DCLK1: variants seen among roughly 807,000 people sequenced by gnomAD.
DCLK1 encodes doublecortin like kinase 1.
A neutral mutation model predicts 86.2 loss-of-function variants in DCLK1; 16 were observed. That is an observed-to-expected ratio of 0.19 (90% CI 0.13 to 0.28). DCLK1 has a LOEUF of 0.28. Among genes scored for constraint, DCLK1 ranks in the 10% least tolerant of loss-of-function variants. The pLI is 1.00. For synonymous variants in DCLK1, 369 were observed against 370.5 expected (o/e 1.00, Z 0.05); for missense variants, 590 against 940.2 (o/e 0.63, Z 4.87).
At chr13:36,130,831 G>A (rs915298830) in intron 1 of DCLK1, among the ~76,000 whole-genome samples, 1 of 152,210 alleles carries the variant, frequency 6.6e-6, no homozygotes, top group Admixed American at 6.5e-5. Flanking sequence ...GAAAAGCCTG[G>A]GAGGGCCCGC....
chr13:35,798,059 G>A (rs1394675936), intron 15 of DCLK1, among the ~76,000 whole-genome samples: 1 of 152,224 alleles, frequency 6.6e-6, no homozygotes, highest in Non-Finnish European at 1.5e-5. Context: ...TTTGAGGTTA[G>A]TAGTTTTTGA....
intron 4 of DCLK1, among the ~76,000 whole-genome samples, chr13:35,934,731 C>T (rs1381989752): frequency 6.6e-6 from 1 of 152,082 alleles, no homozygotes; most frequent in Non-Finnish European, 1.5e-5. Context: ...GTGTGTGTGT[C>T]TGTGTTTGTG....
Position 35,854,530 on chromosome 13 carries a change from G to A in DCLK1, c.1004C>T (p.Pro335Leu). 2 of 1,604,572 alleles carry A rather than the reference G, an allele frequency of 1.2e-6. No individual in the cohort carries two copies. The highest frequency in any genetic ancestry group is 1.1e-5 in the South Asian group (1 of 89,230). The change falls in exon 6 of 17, where the codon CCC becomes CTC. Residue 335 changes from proline to leucine, a missense_variant. Pro to Leu is a moderately conservative substitution (Grantham distance 98). Coordinates refer to ENST00000360631, the MANE Select transcript of DCLK1 (RefSeq NM_001330071.2). ...PRSGKSPSPS[P>L]TSPGSLRKQR... ...CTTCCGCAGGCTTCCTGGGCTGGTGGGTGATGGGCTTGGCGACTTGCCTGA... is the reference window on the plus strand; with the variant it reads ...CTTCCGCAGGCTTCCTGGGCTGGTGAGTGATGGGCTTGGCGACTTGCCTGA...
chr13:35,802,808 T>C (rs1357569058), intron 15 of DCLK1, among the ~76,000 whole-genome samples: 2 of 152,074 alleles, frequency 1.3e-5, no homozygotes, highest in Non-Finnish European at 2.9e-5. Context: ...ATACACTGAA[T>C]TGAACCTTTG....
At chr13:35,996,485 G>C (rs1316662034) in intron 3 of DCLK1, among the ~76,000 whole-genome samples, 2 of 152,156 alleles carry the variant, frequency 1.3e-5, no homozygotes, top group Non-Finnish European at 2.9e-5. Flanking sequence ...TGCTAAATTT[G>C]AGCAAAGCAG....
chr13:35,785,440 G>A (rs1019280751), intron 16 of DCLK1, among the ~76,000 whole-genome samples: 11 of 152,110 alleles, frequency 7.2e-5, no homozygotes, highest in Admixed American at 6.5e-5. Flanking sequence ...CTGGGGCAGC[G>A]TCCTCCCTGG....
chr13:35,888,866 G>T (rs1659112805), intron 4 of DCLK1, among the ~76,000 whole-genome samples: 1 of 152,156 alleles, frequency 6.6e-6, no homozygotes, highest in South Asian at 2.1e-4. Flanking sequence ...CCCATTAATT[G>T]CAATGGTATG....
intron 3 of DCLK1, among the ~76,000 whole-genome samples, chr13:36,075,049 A>G (rs1414595952): frequency 6.6e-6 from 1 of 152,244 alleles, no homozygotes; most frequent in Non-Finnish European, 1.5e-5. Flanking sequence ...GGAAAAACCC[A>G]ATCTTTAAAG....
intron 4 of DCLK1, among the ~76,000 whole-genome samples, chr13:35,897,857 C>T (rs1009396060): frequency 6.6e-6 from 1 of 152,246 alleles, no homozygotes; most frequent in African/African-American, 2.4e-5. Context: ...ACTTGATAGT[C>T]GTACTTAGAG....
intron 16 of DCLK1, among the ~76,000 whole-genome samples, chr13:35,790,536 G>A (rs922106784): frequency 6.6e-6 from 1 of 151,984 alleles, no homozygotes; most frequent in Non-Finnish European, 1.5e-5. Flanking sequence ...TGGTAAAGGC[G>A]GTTTAAAATA....
chr13:35,993,839 GA>G (rs11360420), intron 3 of DCLK1, among the ~76,000 whole-genome samples: 90,228 of 142,240 alleles, frequency 0.63, 28,252 homozygotes, highest in East Asian at 0.81. Flanking sequence ...ACACTCATGA[GA>G]AAAAAAAAAA....
intron 4 of DCLK1, among the ~76,000 whole-genome samples, chr13:35,890,372 TAAC>T (rs1444705378): frequency 6.6e-6 from 1 of 152,168 alleles, no homozygotes; most frequent in Non-Finnish European, 1.5e-5. Flanking sequence ...TTTTTGCACT[TAAC>T]AATCTATATT....
chr13:35,822,084 A>G (rs1320126499), intron 11 of DCLK1, among the ~76,000 whole-genome samples: 1 of 152,090 alleles, frequency 6.6e-6, no homozygotes, highest in Non-Finnish European at 1.5e-5. Context: ...ACTCCAAAAA[A>G]GTCTAAAAGG....
chr13:35,833,124 A>G (rs1184730519), intron 8 of DCLK1, among the ~76,000 whole-genome samples: 1 of 152,130 alleles, frequency 6.6e-6, no homozygotes, highest in African/African-American at 2.4e-5. Context: ...TCAGGCTTAT[A>G]GGTGCCGGTG....
intron 5 of DCLK1, among the ~76,000 whole-genome samples, chr13:35,860,158 G>C (rs1006443329): frequency 6.6e-6 from 1 of 152,162 alleles, no homozygotes; most frequent in Non-Finnish European, 1.5e-5. Flanking sequence ...CTTGGGTTTG[G>C]GGGTGGCGAT....
intron 6 of DCLK1, chr13:35,850,067 C>T: frequency 3.1e-6 from 3 of 982,766 alleles, no homozygotes; most frequent in Non-Finnish European, 3.6e-6. Context: ...AAGGCAAGTT[C>T]CTAAAGCCTA....
intron 6 of DCLK1, chr13:35,850,585 ACTTTTGGATGATTTGGT>A (rs1870541419): frequency 7.8e-7 from 1 of 1,275,522 alleles, no homozygotes; most frequent in Admixed American, 4.0e-5. Context: ...ATACATATTT[ACTTTTGGATGATTTGGT>A]CTTTTATCAT....
chr13:36,074,487 A>C, intron 3 of DCLK1, among the ~76,000 whole-genome samples: 3 of 37,650 alleles, frequency 8.0e-5, no homozygotes, highest in African/African-American at 1.6e-4. Context: ...AAAAAAAAAA[A>C]AAAAAAAAAA....
Position 35,883,444 on chromosome 13 carries a change from C to T in DCLK1, c.824-12104G>A, listed in dbSNP as rs188615639. ...ATGTGATCTCTGCACATACCAGCTC[C>T]CCTTCCCCTTCCACCATGAGTGGAA... On this transcript the variant is annotated intron_variant, in intron 4 of 16. Transcript: ENST00000360631. Among the ~76,000 whole-genome samples the T allele has an allele frequency of 4.3e-3, 656 of 152,304 alleles. 3 individuals carry two copies. Among genetic ancestry groups the T allele is most frequent in the South Asian group, 0.017 (81 of 4,820 alleles).
Sources: gnomAD v4.1 joint callset for allele counts (sites outside exome capture counted in the v4.1 genomes callset) on GRCh38, gnomAD v4.1.1 for gene constraint, MANE v1.5 for transcripts, NCBI Gene and HGNC (gene_info 2026-07-23, HGNC 2026-07-21) for gene names.